The following KIAA1217 variants were observed in gnomAD, a reference collection of about 807,000 sequenced individuals.
The protein encoded by KIAA1217 is KIAA1217.
KIAA1217 carries 88 observed loss-of-function variants against 163.9 expected under a neutral mutation model. The ratio of observed to expected loss-of-function variants is 0.54; its 90% confidence interval spans 0.45 to 0.64. The LOEUF (loss-of-function observed/expected upper bound fraction) is 0.64. Among genes scored for constraint, KIAA1217 ranks in the 30% least tolerant of loss-of-function variants. The pLI is 0.00. For missense variants in KIAA1217, 2,372 were observed against 2,475.0 expected, an observed-to-expected ratio of 0.96 and a Z score of 0.88; for synonymous variants, 903 against 923.1, an observed-to-expected ratio of 0.98 and a Z score of 0.39.
intron 2 of KIAA1217, among the ~76,000 whole-genome samples, chr10:24,009,801 A>G (rs896938894): frequency 1.1e-4 from 16 of 152,166 alleles, no homozygotes; most frequent in African/African-American, 3.6e-4. Flanking sequence ...CACTTGTTCT[A>G]GTCTCTGCTG....
chr10:24,183,794 T>C (rs563197230), intron 2 of KIAA1217, among the ~76,000 whole-genome samples: 2 of 152,368 alleles, frequency 1.3e-5, no homozygotes, highest in South Asian at 4.1e-4. Context: ...CCTCGGGGAA[T>C]GGTTCTGCAC....
At chr10:24,082,667 C>T (rs900292831) in intron 2 of KIAA1217, among the ~76,000 whole-genome samples, 5 of 152,090 alleles carry the variant, frequency 3.3e-5, no homozygotes, top group African/African-American at 4.8e-5. Flanking sequence ...TGGGTTGATT[C>T]CACATCTTTG....
Position 24,364,598 on chromosome 10 carries a change from G to A in KIAA1217, c.355-16271G>A, listed in dbSNP as rs115242349. On this transcript the variant is annotated intron_variant, in intron 2 of 20. Transcript: ENST00000376454. ...GGGCTTCCTACGTCTCCAGCATCCC[G>A]GGGCCTTCCCTGCTCTGATGGTGGG... Among the ~76,000 whole-genome samples, 1,509 of 152,086 alleles carry A rather than the reference G, an allele frequency of 9.9e-3. 22 individuals are homozygous for A. The highest frequency in any genetic ancestry group is 0.034 in the African/African-American group (1,400 of 41,472).
At chr10:24,322,392 C>T (rs1023645902) in intron 2 of KIAA1217, among the ~76,000 whole-genome samples, 1 of 152,144 alleles carries the variant, frequency 6.6e-6, no homozygotes, top group African/African-American at 2.4e-5. Context: ...AGTAGTTAAA[C>T]ACAAGTGGTG....
chr10:24,003,458 C>G (rs1003709655), intron 1 of KIAA1217, among the ~76,000 whole-genome samples: 1 of 152,070 alleles, frequency 6.6e-6, no homozygotes, highest in African/African-American at 2.4e-5. Flanking sequence ...TGTCTACCTT[C>G]TTTTGAGAAT....
At chr10:23,751,573 C>A (rs1564390851) in intron 1 of KIAA1217, among the ~76,000 whole-genome samples, 2 of 151,670 alleles carry the variant, frequency 1.3e-5, no homozygotes, top group South Asian at 4.2e-4. Context: ...CTTCCCTAGT[C>A]CCCTTGAACT....
intron 1 of KIAA1217, among the ~76,000 whole-genome samples, chr10:23,867,385 C>T (rs1460300471): frequency 2.0e-5 from 3 of 152,020 alleles, no homozygotes; most frequent in Non-Finnish European, 4.4e-5. Context: ...ATGGCTGGGT[C>T]AAATGGTATT....
intron 2 of KIAA1217, among the ~76,000 whole-genome samples, chr10:24,037,197 G>A (rs960279012): frequency 3.3e-5 from 5 of 152,166 alleles, no homozygotes; most frequent in African/African-American, 1.2e-4. Flanking sequence ...CCAGCCCAGT[G>A]GCTCACGCCT....
At chr10:24,204,479 T>G (rs1294259624), upstream of KIAA1217, among the ~76,000 whole-genome samples, 1 of 152,196 alleles carries the variant, frequency 6.6e-6, no homozygotes, top group Non-Finnish European at 1.5e-5. Context: ...AGATTAATTA[T>G]TTTTTAATTA....
At chr10:23,828,524 G>C (rs1023577228) in intron 1 of KIAA1217, among the ~76,000 whole-genome samples, 53 of 152,178 alleles carry the variant, frequency 3.5e-4, no homozygotes, top group African/African-American at 1.1e-3. Flanking sequence ...GGCTTTGGTA[G>C]CCTAACCTGG....
At chr10:23,758,625 T>TC in intron 1 of KIAA1217, among the ~76,000 whole-genome samples, 3 of 129,424 alleles carry the variant, frequency 2.3e-5, no homozygotes, top group Non-Finnish European at 4.7e-5. Flanking sequence ...TCTTTCTTAC[T>TC]TTCTCTCTCT....
rs1352929256 is a variant in KIAA1217, at chr10:24,524,553, C to T, written c.2687C>T (p.Pro896Leu). The T allele has an allele frequency of 6.2e-7, 1 of 1,613,792 alleles. No homozygotes were observed. The highest frequency in any genetic ancestry group is 1.3e-5 in the African/African-American group (1 of 74,936). Residue 896 changes from proline to leucine, a missense_variant, in exon 13 of 21, where the codon CCC (proline) becomes CTC (leucine). Physicochemically the swap from Pro to Leu is moderately conservative, Grantham distance 98. This residue lies in a region of KIAA1217 where 1,431 missense variants were observed against 1,470.3 expected (regional missense o/e 0.97). Coordinates refer to ENST00000376454, the MANE Select transcript of KIAA1217 (RefSeq NM_019590.5). Reference sequence around the variant, plus strand: ...CAGAGCTCCCCTGTGGTCATCCAGCCCTCCCAGCACTCCGTGGCCCTGCTG... The same window carrying T: ...CAGAGCTCCCCTGTGGTCATCCAGCTCTCCCAGCACTCCGTGGCCCTGCTG... ...HAQSSPVVIQ[P>L]SQHSVALLNP...
At chr10:24,391,112 CA>C (rs955752109) in intron 3 of KIAA1217, among the ~76,000 whole-genome samples, 1 of 150,842 alleles carries the variant, frequency 6.6e-6, no homozygotes, top group Non-Finnish European at 1.5e-5. Flanking sequence ...TGCCTTTTAC[CA>C]AAAAAAATAT....
chr10:24,284,638 C>T (rs895120929), intron 2 of KIAA1217, among the ~76,000 whole-genome samples: 2 of 152,136 alleles, frequency 1.3e-5, no homozygotes, highest in Non-Finnish European at 2.9e-5. Flanking sequence ...CTGATGGGCC[C>T]CTAGGTTGAT....
At chr10:23,771,980 A>G (rs1389456877) in intron 1 of KIAA1217, among the ~76,000 whole-genome samples, 1 of 152,224 alleles carries the variant, frequency 6.6e-6, no homozygotes, top group Non-Finnish European at 1.5e-5. Context: ...AGTGTTGAAC[A>G]TTTAAGAAAG....
intron 1 of KIAA1217, among the ~76,000 whole-genome samples, chr10:24,216,885 A>C (rs1423087696): frequency 4.6e-5 from 7 of 150,780 alleles, no homozygotes; most frequent in Non-Finnish European, 8.9e-5. Context: ...AAAAATAAAT[A>C]GCCAGATGTG....
intron 2 of KIAA1217, among the ~76,000 whole-genome samples, chr10:24,194,927 T>C (rs2066913860): frequency 6.6e-6 from 1 of 152,022 alleles, no homozygotes; most frequent in African/African-American, 2.4e-5. Context: ...ATTTCTATTG[T>C]ATATGACTGT....
intron 1 of KIAA1217, among the ~76,000 whole-genome samples, chr10:23,882,291 A>G (rs1212432118): frequency 2.0e-4 from 31 of 151,926 alleles, no homozygotes; most frequent in Admixed American, 1.8e-3. Flanking sequence ...AGACACCCTC[A>G]GTATCAAAGT....
At chr10:23,886,248 G>T (rs901040466) in intron 1 of KIAA1217, among the ~76,000 whole-genome samples, 19 of 151,880 alleles carry the variant, frequency 1.3e-4, no homozygotes, top group African/African-American at 4.6e-4. Flanking sequence ...TAACTGTGTG[G>T]ATGTTAACAT....
Sources: gnomAD v4.1 joint callset for allele counts (sites outside exome capture counted in the v4.1 genomes callset) on GRCh38, gnomAD v4.1.1 for gene constraint, gnomAD v4.1.1 regional missense constraint, MANE v1.5 for transcripts, NCBI Gene and HGNC (gene_info 2026-07-23, HGNC 2026-07-21) for gene names.